Variants in SETX observed in about 807,000 individuals in gnomAD.
SETX encodes the protein senataxin, also known as helicase senataxin.
SETX carries 90 observed loss-of-function variants against 227.2 expected under a neutral mutation model. The observed-to-expected ratio is 0.40, with a 90% CI of 0.33 to 0.47. The LOEUF is 0.47. SETX is among the 20% of genes least tolerant of loss of function. The pLI is 0.91. For synonymous variants in SETX, 1,210 were observed against 1,113.2 expected (o/e 1.09, Z -1.73); for missense variants, 3,052 against 3,181.5 (o/e 0.96, Z 0.98).
chr9:132,316,499 T>C (rs1029721326), intron 10 of SETX, among the ~76,000 whole-genome samples: 4 of 152,228 alleles, frequency 2.6e-5, no homozygotes, highest in Non-Finnish European at 5.9e-5. Context: ...ATGCTTTTTA[T>C]GTTTTTATGA....
At position 132,329,259 on chromosome 9, in the gene SETX, G is replaced by A. The variant is rs1554821445; in HGVS notation, c.2339C>T (p.Thr780Ile). The change falls in exon 10 of 26, where the codon ACT (threonine) becomes ATT (isoleucine). Residue 780 changes from threonine to isoleucine, a missense_variant. By Grantham distance (89) the Thr-to-Ile change is moderately conservative (BLOSUM62 -1). Around this residue, in one of 10 missense-constraint regions of SETX, gnomAD observed 1,483 missense variants for 1,312.0 expected, o/e 1.13. Transcript: ENST00000224140. ...DALAKTSKRKTKVQKDEICAK... is the reference protein window; with the variant it reads ...DALAKTSKRKIKVQKDEICAK... ...ACAGATTTCATCTTTCTGTACCTTA[G>A]TTTTTCGTTTTGAGGTTTTAGCAAG... 11 of 1,613,832 alleles carry A rather than the reference G, an allele frequency of 6.8e-6. No homozygotes were observed. Among genetic ancestry groups the A allele is most frequent in the African/African-American group, 1.3e-5 (1 of 75,026 alleles).
intron 7 of SETX, among the ~76,000 whole-genome samples, chr9:132,333,796 C>G (rs521443): frequency 0.9 from 136,730 of 152,192 alleles, 61,532 homozygotes; most frequent in Non-Finnish European, 0.92. Context: ...TGATGGAAAT[C>G]TTCTGTCTCT....
intron 11 of SETX, 63 bp downstream of exon 11, chr9:132,311,694 C>G: frequency 3.3e-6 from 4 of 1,195,628 alleles, no homozygotes; most frequent in Non-Finnish European, 4.9e-6. Flanking sequence ...ATGCTATCTC[C>G]TCTTAATTAG....
chr9:132,335,841 T>C (rs1847578805), intron 6 of SETX, among the ~76,000 whole-genome samples: 1 of 152,212 alleles, frequency 6.6e-6, no homozygotes, highest in African/African-American at 2.4e-5. Context: ...AGATATGTAA[T>C]AGTTAAGTCA....
chr9:132,314,725 T>C (rs1277853775), intron 10 of SETX, among the ~76,000 whole-genome samples: 1 of 152,104 alleles, frequency 6.6e-6, no homozygotes, highest in Non-Finnish European at 1.5e-5. Flanking sequence ...AACTGGAGGT[T>C]CCTAATAATT....
chr9:132,317,129 A>G (rs1298573215), intron 10 of SETX, among the ~76,000 whole-genome samples: 2 of 152,346 alleles, frequency 1.3e-5, no homozygotes. Context: ...AAATAGTTGT[A>G]AAGTGTTTTC....
chr9:132,283,085 T>C (rs760906637), intron 19 of SETX, 179 bp downstream of exon 19: 26 of 766,106 alleles, frequency 3.4e-5, no homozygotes, highest in Non-Finnish European at 4.4e-5. Flanking sequence ...AAATCCACTT[T>C]CACTATGGAG....
At position 132,325,137 on chromosome 9, in the gene SETX, A is replaced by G. The variant is rs963911255; in HGVS notation, c.5274+1187T>C. 1.2e-4 allele frequency among the ~76,000 whole-genome samples: 18 copies of G among 152,260 alleles called. No individual in the cohort carries two copies. The East Asian group carries it at 3.5e-3, about 29-fold the overall frequency. Reference sequence around the variant, plus strand: ...TTTGGGAGGCCAAGGCGGGCAGATCACAAGGTCAGGAGATTGAGACCATCC... The same window carrying G: ...TTTGGGAGGCCAAGGCGGGCAGATCGCAAGGTCAGGAGATTGAGACCATCC... On this transcript the variant is annotated intron_variant, in intron 10 of 25. Coordinates refer to ENST00000224140, the MANE Select transcript of SETX (RefSeq NM_015046.7).
At chr9:132,281,700 T>C (rs1429404906) in intron 19 of SETX, 126 bp from the exon 20 acceptor site, 2 of 751,108 alleles carry the variant, frequency 2.7e-6, no homozygotes, top group African/African-American at 1.8e-5. Context: ...ATATCAAAAA[T>C]ACAAATTTTC....
chr9:132,286,402 T>C (rs754499024), intron 18 of SETX, 21 bp downstream of exon 18: 20 of 1,546,232 alleles, frequency 1.3e-5, no homozygotes, highest in African/African-American at 2.8e-5. Flanking sequence ...ATCAAGAAAA[T>C]GCTACAGGTG....
chr9:132,302,247 C>T (rs927147205), intron 11 of SETX, among the ~76,000 whole-genome samples: 3 of 150,870 alleles, frequency 2.0e-5, no homozygotes, highest in Non-Finnish European at 4.4e-5. Context: ...GTCCCAGCTA[C>T]TCGGGAGGCC....
chr9:132,319,935 A>G (rs1162916262), intron 10 of SETX, among the ~76,000 whole-genome samples: 4 of 152,174 alleles, frequency 2.6e-5, no homozygotes, highest in African/African-American at 9.7e-5. Flanking sequence ...TACACAGGAG[A>G]GGCAACAGTA....
intron 4 of SETX, among the ~76,000 whole-genome samples, chr9:132,345,932 T>C (rs929231319): frequency 2.0e-5 from 3 of 152,056 alleles, no homozygotes; most frequent in East Asian, 1.9e-4. Flanking sequence ...GGCAGGAGTA[T>C]TACTTGAGCC....
At chr9:132,334,051 G>A (rs1847435661) in intron 7 of SETX, among the ~76,000 whole-genome samples, 1 of 151,922 alleles carries the variant, frequency 6.6e-6, no homozygotes, top group Non-Finnish European at 1.5e-5. Context: ...TTACAAATGG[G>A]TCTCCCAGAG....
At chr9:132,341,803 C>G (rs903449349) in intron 5 of SETX, among the ~76,000 whole-genome samples, 5 of 152,154 alleles carry the variant, frequency 3.3e-5, no homozygotes, top group African/African-American at 1.2e-4. Context: ...TTCCTGTTGT[C>G]CTGCACAAGC....
In SETX at chr9:132,264,360, A is replaced by G. The variant is rs1287810006; in HGVS notation, c.7913T>C (p.Phe2638Ser). 6.2e-7 allele frequency: 1 copy of G among 1,614,124 alleles called. No homozygotes were observed. Among genetic ancestry groups the G allele is most frequent in the Admixed American group, 1.7e-5 (1 of 60,022 alleles). ...ELCHRREARA[F>S]SEGEQEKCGS... is the part of the protein sequence containing the mutation. ...ACACTTCTCCTGCTCCCCTTCACTGAAAGCCCTGGCCTCTCTCCTGTGACA... is the reference window on the plus strand; with the variant it reads ...ACACTTCTCCTGCTCCCCTTCACTGGAAGCCCTGGCCTCTCTCCTGTGACA... The change falls in exon 26 of 26, where the codon TTC (phenylalanine) becomes TCC (serine). Residue 2638 changes from phenylalanine (F) to serine (S), a missense_variant. Transcript: ENST00000224140.
rs80296256 is a variant in SETX at position 132,264,359 on chromosome 9, G to A, written c.7914C>T (p.Phe2638=). ...ELCHRREARA[F]SEGEQEKCGS... ...CACACTTCTCCTGCTCCCCTTCACT[G>A]AAAGCCCTGGCCTCTCTCCTGTGAC... is the stretch of plus-strand genomic sequence containing the variant. Residue 2638 remains phenylalanine (F), a synonymous_variant, in exon 26 of 26, where the codon TTC becomes TTT. Coordinates refer to ENST00000224140, the MANE Select transcript of SETX (RefSeq NM_015046.7). 7.5e-4 allele frequency: 1,215 copies of A among 1,614,148 alleles called. 9 individuals are homozygous for A. In the East Asian group the frequency reaches 0.011, roughly 14 times the overall value.
At chr9:132,287,104 TA>T (rs1371882510) in intron 17 of SETX, among the ~76,000 whole-genome samples, 1 of 152,196 alleles carries the variant, frequency 6.6e-6, no homozygotes. Flanking sequence ...CCTTTCTGTC[TA>T]ACCTAATTTG....
Position 132,298,231 on chromosome 9 carries a change from C to G in SETX, c.5630G>C (p.Cys1877Ser). 6.2e-7 allele frequency: 1 copy of G among 1,614,026 alleles called. No homozygotes were observed. Among genetic ancestry groups the G allele is most frequent in the South Asian group, 1.1e-5 (1 of 91,078 alleles). The change falls in exon 13 of 26, where the codon TGT becomes TCT. Residue 1877 changes from cysteine (C) to serine (S), a missense_variant. Cys to Ser is a moderately radical substitution (Grantham distance 112). Transcript: ENST00000224140. ...FPANLNELVN[C>S]IVISSLVTTQ... The stretch of plus-strand genomic sequence containing the variant: ...AGTTACCAGAGAACTGATTACAATA[C>G]AATTCACAAGTTCGTTTAAATTGGC...
Sources: gnomAD v4.1 joint callset for allele counts (sites outside exome capture counted in the v4.1 genomes callset) on GRCh38, gnomAD v4.1.1 for gene constraint, gnomAD v4.1.1 regional missense constraint, MANE v1.5 for transcripts, NCBI Gene and HGNC (gene_info 2026-07-23, HGNC 2026-07-21) for gene names.